CLVS1: variants seen among roughly 807,000 people sequenced by gnomAD.
CLVS1 encodes the protein clavesin 1.
CLVS1 carries 10 observed loss-of-function variants against 33.1 expected under a neutral mutation model. That is an observed-to-expected ratio of 0.30 (90% confidence interval 0.19 to 0.51). CLVS1 has a LOEUF of 0.51. CLVS1 is among the 20% of genes least tolerant of loss of function. The probability of loss-of-function intolerance (pLI) is 0.97; values close to 1 mark genes in which losing one functional copy is unlikely to be tolerated. For synonymous variants in CLVS1, 163 were observed against 166.1 expected (o/e 0.98, Z 0.14); for missense variants, 343 against 433.4 (o/e 0.79, Z 1.85).
chr8:61,386,560 T>C lies in CLVS1; in HGVS notation c.630+9781T>C, dbSNP rs114916847. 5.0e-3 allele frequency among the ~76,000 whole-genome samples: 757 copies of C among 152,324 alleles called. 7 individuals carry two copies. The highest frequency in any genetic ancestry group is 0.017 in the African/African-American group (716 of 41,570). On this transcript the variant is annotated intron_variant, in intron 3 of 5. Transcript: ENST00000325897. ...TTCAGTGTGGATGGTACCCAGGCAATCCTGCCACATATTGGCCCTCTCTGA... is the reference window on the plus strand; with the variant it reads ...TTCAGTGTGGATGGTACCCAGGCAACCCTGCCACATATTGGCCCTCTCTGA...
Position 61,333,655 on chromosome 8 carries a change from G to T in CLVS1, c.455+33373G>T, listed in dbSNP as rs183920462. ...AATGTCGCAATGGGGAGAACTCTGG[G>T]AACACAAGATCTGTAAACTCTCAAG... On this transcript the variant is annotated intron_variant, in intron 2 of 5. Coordinates refer to ENST00000325897, the MANE Select transcript of CLVS1 (RefSeq NM_173519.3). Among the ~76,000 whole-genome samples the T allele has an allele frequency of 2.0e-3, 300 of 152,270 alleles. 1 individual carries two copies. The highest frequency in any genetic ancestry group is 6.7e-3 in the African/African-American group (280 of 41,568).
intron 3 of CLVS1, among the ~76,000 whole-genome samples, chr8:61,387,836 A>G (rs1167037979): frequency 6.6e-5 from 10 of 152,152 alleles, no homozygotes; most frequent in Admixed American, 6.5e-4. Flanking sequence ...TGAGTATTCC[A>G]TGGTATACAT....
At chr8:61,095,090 G>C (rs1805324062) in intron 1 of CLVS1, among the ~76,000 whole-genome samples, 1 of 152,134 alleles carries the variant, frequency 6.6e-6, no homozygotes, top group African/African-American at 2.4e-5. Context: ...TACTGATTAA[G>C]TCTCTATCTC....
chr8:61,077,095 AC>A (rs1321775785), intron 1 of CLVS1, among the ~76,000 whole-genome samples: 1 of 150,912 alleles, frequency 6.6e-6, no homozygotes, highest in Non-Finnish European at 1.5e-5. Context: ...TTTTTTTTTG[AC>A]GGAATCTTGC....
chr8:61,255,266 A>C (rs1356743143), intron 2 of CLVS1, among the ~76,000 whole-genome samples: 4 of 152,030 alleles, frequency 2.6e-5, no homozygotes, highest in Non-Finnish European at 1.5e-5. Context: ...AGGTGGCCTG[A>C]CTGAATTAAC....
chr8:61,488,211 T>G (rs1007224940), intron 5 of CLVS1, among the ~76,000 whole-genome samples: 1 of 152,178 alleles, frequency 6.6e-6, no homozygotes, highest in African/African-American at 2.4e-5. Context: ...CAAAAACGTA[T>G]GTAGTAGCGC....
intron 1 of CLVS1, among the ~76,000 whole-genome samples, chr8:61,289,379 G>A (rs1244807360): frequency 6.6e-6 from 1 of 152,182 alleles, no homozygotes; most frequent in Non-Finnish European, 1.5e-5. Context: ...CTAAGCCCAA[G>A]TCATAGTCCC....
intron 2 of CLVS1, among the ~76,000 whole-genome samples, chr8:61,144,859 A>G (rs1378204296): frequency 2.0e-5 from 3 of 152,174 alleles, no homozygotes; most frequent in African/African-American, 7.2e-5. Context: ...CCTCCCCAGT[A>G]GCTGGGATTA....
the CLVS1 span, among the ~76,000 whole-genome samples, chr8:60,977,188 T>C: frequency 6.6e-6 from 1 of 152,234 alleles, no homozygotes; most frequent in Non-Finnish European, 1.5e-5. Flanking sequence ...AAAAGCAAGA[T>C]TTGGCAATTC....
intron 2 of CLVS1, among the ~76,000 whole-genome samples, chr8:61,306,782 C>T (rs749598110): frequency 6.6e-6 from 1 of 152,172 alleles, no homozygotes; most frequent in Non-Finnish European, 1.5e-5. Flanking sequence ...TATGAGGGTT[C>T]CCCTTTCTCC....
At chr8:61,005,372 G>T in the CLVS1 span, among the ~76,000 whole-genome samples, 2 of 126,904 alleles carry the variant, frequency 1.6e-5, no homozygotes, top group African/African-American at 3.1e-5. Context: ...GAACAACAGG[G>T]TGGCTTTTTT....
intron 1 of CLVS1, among the ~76,000 whole-genome samples, chr8:61,094,678 G>A (rs374223271): frequency 4.6e-5 from 7 of 152,224 alleles, no homozygotes; most frequent in South Asian, 2.1e-4. Context: ...CTTGACTGGC[G>A]TCCTTGTAGA....
intron 2 of CLVS1, among the ~76,000 whole-genome samples, chr8:61,155,380 G>T (rs547555438): frequency 5.9e-5 from 9 of 152,214 alleles, no homozygotes; most frequent in African/African-American, 2.2e-4. Flanking sequence ...TCTGCCAAAA[G>T]GATGGCAACT....
intron 5 of CLVS1, among the ~76,000 whole-genome samples, chr8:61,493,467 C>G (rs747495632): frequency 1.3e-5 from 2 of 152,132 alleles, no homozygotes; most frequent in Non-Finnish European, 2.9e-5. Flanking sequence ...TTATCTAATC[C>G]TCATCATCCC....
chr8:61,266,779 T>C (rs527712446), intron 2 of CLVS1, among the ~76,000 whole-genome samples: 2 of 152,186 alleles, frequency 1.3e-5, no homozygotes, highest in African/African-American at 4.8e-5. Context: ...TCCAGATTTG[T>C]TTTTTTATTT....
chr8:61,300,288 T>C lies in CLVS1; in HGVS notation c.455+6T>C. 1 of 1,603,436 alleles carries C rather than the reference T, an allele frequency of 6.2e-7. No homozygotes were observed. On this transcript the variant is annotated splice_donor_region_variant and intron_variant, in intron 2 of 5. Coordinates refer to ENST00000325897, the MANE Select transcript of CLVS1 (RefSeq NM_173519.3). ...GCCAATTGGGATCAGAGTAGGTAAA[T>C]GTAGATAGTGTCTTTACTTGGTTTT...
chr8:61,385,194 A>G (rs376713789), intron 3 of CLVS1, among the ~76,000 whole-genome samples: 189 of 152,190 alleles, frequency 1.2e-3, no homozygotes, highest in African/African-American at 4.1e-3. Flanking sequence ...TAGCTGGGGG[A>G]GATTGATCTT....
At chr8:61,046,936 C>G in the CLVS1 span, among the ~76,000 whole-genome samples, 1 of 152,148 alleles carries the variant, frequency 6.6e-6, no homozygotes, top group Non-Finnish European at 1.5e-5. Flanking sequence ...CATCTGCAAA[C>G]AGGGGCAATT....
intron 2 of CLVS1, among the ~76,000 whole-genome samples, chr8:61,307,495 T>G (rs1411482906): frequency 3.3e-5 from 5 of 152,112 alleles, no homozygotes; most frequent in African/African-American, 1.2e-4. Context: ...GACCTCAGAC[T>G]CAGGGTTGTA....
Sources: allele counts gnomAD v4.1 joint callset (sites outside exome capture counted in the v4.1 genomes callset), GRCh38; gene constraint gnomAD v4.1.1; transcripts MANE v1.5; gene names NCBI Gene and HGNC (gene_info 2026-07-23, HGNC 2026-07-21).